Variants in RELN observed in about 807,000 individuals in gnomAD.
The protein encoded by RELN is reelin.
A neutral mutation model predicts 427.6 loss-of-function variants in RELN; 108 were observed. The ratio of observed to expected loss-of-function variants is 0.25; its 90% CI spans 0.22 to 0.30. The LOEUF (loss-of-function observed/expected upper bound fraction) is 0.30. Ranked by LOEUF, RELN falls within the 10% of genes least tolerant of loss-of-function variation. RELN has a pLI of 1.00. For synonymous variants in RELN, 1,524 were observed against 1,513.4 expected (o/e 1.01, Z -0.16); for missense variants, 3,715 against 4,302.8 (o/e 0.86, Z 3.82).
chr7:103,856,833 A>C (rs1467830234), intron 2 of RELN, among the ~76,000 whole-genome samples: 1 of 152,112 alleles, frequency 6.6e-6, no homozygotes, highest in Non-Finnish European at 1.5e-5. Context: ...TCATGCATGC[A>C]TAATTATATA....
intron 2 of RELN, among the ~76,000 whole-genome samples, chr7:103,873,431 A>T (rs1794399356): frequency 8.0e-6 from 1 of 124,456 alleles, no homozygotes; most frequent in Admixed American, 8.5e-5. Flanking sequence ...GTTTTTTGAA[A>T]GGATCAACAA....
intron 6 of RELN, among the ~76,000 whole-genome samples, chr7:103,742,735 C>A (rs897954418): frequency 6.6e-6 from 1 of 152,180 alleles, no homozygotes; most frequent in East Asian, 1.9e-4. Context: ...AAGAAACGAA[C>A]AAATCCTCTA....
intron 24 of RELN, among the ~76,000 whole-genome samples, chr7:103,601,331 G>A (rs2081816997): frequency 1.3e-5 from 2 of 152,152 alleles, no homozygotes; most frequent in South Asian, 4.1e-4. Context: ...CATGTCAACG[G>A]ATAGGAAATA....
At chr7:103,610,300 A>G (rs76328156) in intron 22 of RELN, among the ~76,000 whole-genome samples, 1 of 152,186 alleles carries the variant, frequency 6.6e-6, no homozygotes, top group Admixed American at 6.5e-5. Flanking sequence ...TTTGATATAC[A>G]AAAGTAAGGG....
intron 17 of RELN, among the ~76,000 whole-genome samples, chr7:103,639,728 C>T (rs1285682973): frequency 6.6e-6 from 1 of 152,066 alleles, no homozygotes; most frequent in African/African-American, 2.4e-5. Context: ...AGGTTCAAAG[C>T]TCTTTTATGA....
At chr7:103,651,190 G>A (rs187985285) in intron 15 of RELN, among the ~76,000 whole-genome samples, 5 of 152,052 alleles carry the variant, frequency 3.3e-5, no homozygotes, top group South Asian at 2.1e-4. Flanking sequence ...CTGTAATGTG[G>A]CAAGTATTTT....
chr7:103,562,645 T>TA (rs1830668158), intron 34 of RELN, among the ~76,000 whole-genome samples: 1 of 152,230 alleles, frequency 6.6e-6, no homozygotes, highest in African/African-American at 2.4e-5. Context: ...GTTTGTCTGT[T>TA]ATGTGGAATG....
intron 2 of RELN, among the ~76,000 whole-genome samples, chr7:103,888,447 G>A (rs1158521434): frequency 2.0e-5 from 3 of 152,094 alleles, no homozygotes; most frequent in Non-Finnish European, 4.4e-5. Context: ...AATTCCAAAA[G>A]CTGAATCAGA....
intron 7 of RELN, among the ~76,000 whole-genome samples, chr7:103,725,092 C>G (rs1790172584): frequency 1.3e-5 from 2 of 152,026 alleles, no homozygotes; most frequent in South Asian, 4.1e-4. Flanking sequence ...TAAATACACT[C>G]AAAACTATAG....
chr7:103,515,251 A>G lies in RELN; in HGVS notation c.8053T>C (p.Ser2685Pro), dbSNP rs766349515. Residue 2685 changes from serine (S) to proline (P), a missense_variant, in exon 50 of 65, where the codon TCC becomes CCC. Coordinates refer to ENST00000428762, the MANE Select transcript of RELN (RefSeq NM_005045.4). ...SSAPVPQHER[S>P]PADAGPVGRI... ...CCGACAGGGCCGGCATCTGCAGGGG[A>G]GCGCTCATGCTGGGGTACTGGGGCG... 1.9e-5 allele frequency: 30 copies of G among 1,614,026 alleles called. No individual in the cohort carries two copies. The South Asian group carries it at 3.1e-4, about 17-fold the overall frequency.
At chr7:103,591,531 A>G (rs1831415962) in intron 27 of RELN, among the ~76,000 whole-genome samples, 1 of 152,254 alleles carries the variant, frequency 6.6e-6, no homozygotes, top group African/African-American at 2.4e-5. Context: ...AAGTTTATAT[A>G]GTAAAACATC....
At chr7:103,934,430 C>A (rs543483984) in intron 1 of RELN, among the ~76,000 whole-genome samples, 1 of 152,290 alleles carries the variant, frequency 6.6e-6, no homozygotes, top group Admixed American at 6.5e-5. Context: ...AAACCCAAAT[C>A]CTATTTTTCA....
intron 10 of RELN, among the ~76,000 whole-genome samples, chr7:103,695,658 G>T (rs1343691915): frequency 6.6e-6 from 1 of 152,038 alleles, no homozygotes; most frequent in South Asian, 2.1e-4. Flanking sequence ...TGCCATAAAG[G>T]GTACTCAGAC....
intron 50 of RELN, among the ~76,000 whole-genome samples, chr7:103,514,172 A>G (rs1372417437): frequency 6.6e-6 from 1 of 152,224 alleles, no homozygotes; most frequent in Non-Finnish European, 1.5e-5. Context: ...GCATAACAGT[A>G]TATCAATCTT....
At chr7:103,551,332 CAG>C (rs1562886298) in intron 40 of RELN, 36 bp from the exon 41 acceptor site, 1 of 1,442,162 alleles carries the variant, frequency 6.9e-7, no homozygotes, top group Non-Finnish European at 9.6e-7. Flanking sequence ...CAAATTACCT[CAG>C]AGCAACAAGC....
intron 3 of RELN, among the ~76,000 whole-genome samples, chr7:103,830,769 G>A (rs1793255471): frequency 1.3e-5 from 2 of 151,994 alleles, no homozygotes; most frequent in African/African-American, 2.4e-5. Flanking sequence ...AACTGAGCAG[G>A]AAGAGATCAA....
At chr7:103,815,267 GT>G (rs1178074148) in intron 3 of RELN, among the ~76,000 whole-genome samples, 2 of 152,122 alleles carry the variant, frequency 1.3e-5, no homozygotes, top group Non-Finnish European at 2.9e-5. Context: ...ATCATATGCT[GT>G]TTAATATTTA....
intron 10 of RELN, among the ~76,000 whole-genome samples, chr7:103,687,770 T>C (rs1322955567): frequency 6.6e-6 from 1 of 152,110 alleles, no homozygotes; most frequent in Non-Finnish European, 1.5e-5. Context: ...AATAAATAAA[T>C]AAATAAGGCA....
intron 50 of RELN, among the ~76,000 whole-genome samples, chr7:103,511,218 C>T (rs542980527): frequency 1.3e-5 from 2 of 152,174 alleles, no homozygotes; most frequent in South Asian, 2.1e-4. Context: ...TTAGTACACA[C>T]ACAACCATAG....
Sources: gnomAD v4.1 joint callset for allele counts (sites outside exome capture counted in the v4.1 genomes callset) on GRCh38, gnomAD v4.1.1 for gene constraint, MANE v1.5 for transcripts, NCBI Gene and HGNC (gene_info 2026-07-23, HGNC 2026-07-21) for gene names.